Variants in AOAH observed in about 807,000 individuals in gnomAD.
AOAH encodes acyloxyacyl hydrolase (neutrophil).
AOAH carries 64 observed loss-of-function variants against 92.2 expected under a neutral mutation model. The ratio of observed to expected loss-of-function variants is 0.69; its 90% CI spans 0.57 to 0.86. The LOEUF is 0.86. Among genes scored for constraint, AOAH ranks in the 40% least tolerant of loss-of-function variants. AOAH has a pLI of 0.00. For synonymous variants in AOAH, 263 were observed against 254.5 expected (o/e 1.03, Z -0.32); for missense variants, 656 against 694.6 (o/e 0.94, Z 0.62).
At chr7:36,574,308 C>T (rs766577375) in intron 13 of AOAH, among the ~76,000 whole-genome samples, 24 of 152,208 alleles carry the variant, frequency 1.6e-4, no homozygotes, top group African/African-American at 2.4e-4. Flanking sequence ...ACAAAAGCCA[C>T]GGCCTTCGAG....
chr7:36,653,127 A>G (rs1794683659), intron 4 of AOAH, among the ~76,000 whole-genome samples: 1 of 152,226 alleles, frequency 6.6e-6, no homozygotes, highest in South Asian at 2.1e-4. Context: ...ATTTGAAATA[A>G]CAGAGTTTGG....
intron 6 of AOAH, among the ~76,000 whole-genome samples, chr7:36,626,319 G>C (rs915607377): frequency 1.3e-5 from 2 of 152,188 alleles, no homozygotes; most frequent in East Asian, 1.9e-4. Context: ...TGTTATCTTG[G>C]GGGTGAGAGT....
rs1787409647 is a variant in AOAH, at chr7:36,563,173, AAAAAAAAAAAAG to A, written c.1021+13389_1021+13400del. On this transcript the variant is annotated intron_variant, in intron 13 of 20. Coordinates refer to ENST00000617537, the MANE Select transcript of AOAH (RefSeq NM_001637.4). ...AAAAAAAAAAAAAAAAAAAAAAAAA[AAAAAAAAAAAAG>A]GCAATGGGAGTTTGCCCCACCTTCC... is the stretch of plus-strand genomic sequence containing the variant. Among the ~76,000 whole-genome samples the A allele has an allele frequency of 2.0e-5, 3 of 148,374 alleles. No homozygotes were observed. In the South Asian group the frequency reaches 6.4e-4, roughly 32 times the overall value.
intron 12 of AOAH, among the ~76,000 whole-genome samples, chr7:36,576,988 C>T (rs975425320): frequency 2.0e-5 from 3 of 151,378 alleles, no homozygotes; most frequent in Non-Finnish European, 2.9e-5. Context: ...TCACCTTTAC[C>T]GACTCTGTTA....
chr7:36,621,020 T>C (rs768596653), intron 8 of AOAH, among the ~76,000 whole-genome samples, 191 bp from the exon 9 acceptor site: 1 of 152,220 alleles, frequency 6.6e-6, no homozygotes, highest in Non-Finnish European at 1.5e-5. Flanking sequence ...TTCAGCTTCC[T>C]TGCTTTAACC....
At chr7:36,594,460 A>G (rs767081010) in intron 11 of AOAH, 30 bp from the exon 12 acceptor site, 1 of 1,560,110 alleles carries the variant, frequency 6.4e-7, no homozygotes, top group Non-Finnish European at 8.8e-7. Context: ...AGCAATTATC[A>G]AAATGGTCAT....
In AOAH at chr7:36,522,950, T is replaced by C. The variant is rs557671788; in HGVS notation, c.1523-835A>G. Among the ~76,000 whole-genome samples, 3 of 152,276 alleles carry C rather than the reference T, an allele frequency of 2.0e-5. No individual in the cohort carries two copies. The South Asian group carries it at 6.2e-4, about 32-fold the overall frequency. Reference sequence around the variant, plus strand: ...GGTCTGTGACCTGTTTCTCCCCTTCTCATCCCAAAGGAAGGACGGAAATTC... The same window carrying C: ...GGTCTGTGACCTGTTTCTCCCCTTCCCATCCCAAAGGAAGGACGGAAATTC... On this transcript the variant is annotated intron_variant, in intron 19 of 20. Transcript: ENST00000617537.
chr7:36,532,566 G>T (rs552032375), intron 16 of AOAH, among the ~76,000 whole-genome samples: 21 of 152,308 alleles, frequency 1.4e-4, no homozygotes, highest in African/African-American at 4.6e-4. Context: ...GGAACTCACT[G>T]CCATATAGAG....
chr7:36,697,183 T>C (rs908018341), intron 1 of AOAH, among the ~76,000 whole-genome samples: 7 of 152,210 alleles, frequency 4.6e-5, no homozygotes, highest in Non-Finnish European at 5.9e-5. Context: ...AGGGTTTTCA[T>C]AGATGTCCTT....
intron 1 of AOAH, among the ~76,000 whole-genome samples, chr7:36,709,530 A>C (rs979700639): frequency 6.6e-6 from 1 of 152,200 alleles, no homozygotes; most frequent in African/African-American, 2.4e-5. Flanking sequence ...TCTTTTGCAC[A>C]GAGGAATTTC....
intron 6 of AOAH, among the ~76,000 whole-genome samples, chr7:36,631,125 C>T (rs1392063445): frequency 2.0e-5 from 3 of 152,084 alleles, no homozygotes; most frequent in Non-Finnish European, 2.9e-5. Flanking sequence ...GTGGGTGGAT[C>T]ACTTGAGGTC....
intron 13 of AOAH, among the ~76,000 whole-genome samples, chr7:36,553,736 A>C (rs926996621): frequency 1.3e-5 from 2 of 151,862 alleles, no homozygotes; most frequent in African/African-American, 4.8e-5. Flanking sequence ...TCTGATGGTC[A>C]GTGATGAGCA....
At chr7:36,595,996 T>C (rs931722011) in intron 11 of AOAH, among the ~76,000 whole-genome samples, 1 of 152,208 alleles carries the variant, frequency 6.6e-6, no homozygotes, top group African/African-American at 2.4e-5. Context: ...TTTTTCCTCA[T>C]CCATGAAGAT....
chr7:36,532,840 A>G lies in AOAH; in HGVS notation c.1307-496T>C, dbSNP rs556393347. On this transcript the variant is annotated intron_variant, in intron 16 of 20. Coordinates refer to ENST00000617537, the MANE Select transcript of AOAH (RefSeq NM_001637.4). ...AATTATCCCACACTGAGGGCCTGGCAGGACATTCTGAGTATCTGAAGCTCT... is the reference window on the plus strand; with the variant it reads ...AATTATCCCACACTGAGGGCCTGGCGGGACATTCTGAGTATCTGAAGCTCT... Among the ~76,000 whole-genome samples the G allele has an allele frequency of 1.3e-4, 20 of 152,284 alleles. No individual in the cohort carries two copies. In the East Asian group the frequency reaches 3.7e-3, roughly 28 times the overall value.
intron 4 of AOAH, among the ~76,000 whole-genome samples, chr7:36,650,901 G>A (rs1176234024): frequency 6.6e-6 from 1 of 152,224 alleles, no homozygotes; most frequent in Non-Finnish European, 1.5e-5. Context: ...AGCAGGAAAG[G>A]GGACCTTCTT....
chr7:36,717,731 T>A (rs1224696962), intron 1 of AOAH, among the ~76,000 whole-genome samples: 1 of 149,182 alleles, frequency 6.7e-6, no homozygotes, highest in Non-Finnish European at 1.5e-5. Flanking sequence ...CTTCTTATTT[T>A]TTTTTTTTTT....
At chr7:36,678,527 ATCT>A (rs1012455444) in intron 2 of AOAH, among the ~76,000 whole-genome samples, 12 of 147,016 alleles carry the variant, frequency 8.2e-5, no homozygotes, top group Non-Finnish European at 1.0e-4. Context: ...GAGAAAATTC[ATCT>A]TCTTTCTGGT....
intron 4 of AOAH, among the ~76,000 whole-genome samples, chr7:36,643,847 C>T (rs566948942): frequency 1.4e-3 from 207 of 152,158 alleles, no homozygotes; most frequent in African/African-American, 4.8e-3. Context: ...TCCTCCTGCT[C>T]TTGCCATATA....
chr7:36,553,257 A>T (rs1243981500), intron 13 of AOAH, among the ~76,000 whole-genome samples: 1 of 151,704 alleles, frequency 6.6e-6, no homozygotes, highest in Non-Finnish European at 1.5e-5. Context: ...ACTGAGAATG[A>T]TGATTTCCAA....
Sources: allele counts gnomAD v4.1 joint callset (sites outside exome capture counted in the v4.1 genomes callset), GRCh38; gene constraint gnomAD v4.1.1; transcripts MANE v1.5; gene names NCBI Gene and HGNC (gene_info 2026-07-23, HGNC 2026-07-21).